Variants in GNG7 observed in about 807,000 individuals in gnomAD.
GNG7 encodes the protein G protein subunit gamma 7.
In GNG7, 1 loss-of-function variant was observed where a neutral mutation model predicts 4.0. The observed-to-expected ratio is 0.25, with a 90% CI of 0.09 to 1.18. GNG7 has a LOEUF of 1.18. Among genes scored for constraint, GNG7 ranks in the 50% most tolerant of loss-of-function variants. The probability of loss-of-function intolerance (pLI) is 0.50; values close to 1 mark genes in which losing one functional copy is unlikely to be tolerated. For synonymous variants in GNG7, 34 were observed against 36.9 expected (o/e 0.92, Z 0.29); for missense variants, 86 against 91.9 (o/e 0.94, Z 0.26).
chr19:2,660,444 T>C (rs1203667328), intron 1 of GNG7, among the ~76,000 whole-genome samples: 1 of 152,174 alleles, frequency 6.6e-6, no homozygotes, highest in Non-Finnish European at 1.5e-5. Context: ...GTTTACCATG[T>C]TCCTGCCCTC....
At chr19:2,622,898 G>T (rs1341349702) in intron 2 of GNG7, among the ~76,000 whole-genome samples, 1 of 152,254 alleles carries the variant, frequency 6.6e-6, no homozygotes, top group Non-Finnish European at 1.5e-5. Flanking sequence ...CTTTCACCGT[G>T]TATCATTTAT....
At chr19:2,673,135 T>C (rs1390409073) in intron 1 of GNG7, among the ~76,000 whole-genome samples, 1 of 151,592 alleles carries the variant, frequency 6.6e-6, no homozygotes. Context: ...CGGGCGCCTG[T>C]AGTCCCAGCT....
chr19:2,515,163 A>G lies in GNG7; in HGVS notation c.82-16T>C, dbSNP rs962412055. The G allele has an allele frequency of 6.2e-7, 1 of 1,613,218 alleles. No individual in the cohort carries two copies. Among genetic ancestry groups the G allele is most frequent in the African/African-American group, 1.3e-5 (1 of 74,876 alleles). On this transcript the variant is annotated splice_polypyrimidine_tract_variant and intron_variant, in intron 4 of 4. Transcript: ENST00000382159. ...CTTTGGAGACCTGTGTTTGAGCACA[A>G]GGAGGAGACAGAGGAGACATAAGAA...
intron 3 of GNG7, among the ~76,000 whole-genome samples, chr19:2,521,751 T>C (rs1599370819): frequency 1.3e-5 from 2 of 151,590 alleles, no homozygotes; most frequent in East Asian, 2.0e-4. Context: ...GTAGCTGGGA[T>C]TACAGGCACG....
At chr19:2,690,165 T>C (rs1402365349) in intron 1 of GNG7, among the ~76,000 whole-genome samples, 1 of 152,014 alleles carries the variant, frequency 6.6e-6, no homozygotes, top group Non-Finnish European at 1.5e-5. Flanking sequence ...AAGGATCACT[T>C]GAGGTCAGGA....
intron 2 of GNG7, among the ~76,000 whole-genome samples, chr19:2,588,773 ACCGCAGACC>A: frequency 6.6e-6 from 1 of 151,946 alleles, no homozygotes; most frequent in Admixed American, 6.5e-5. Flanking sequence ...TGCTGATCAC[ACCGCAGACC>A]CCACCAGGTG....
chr19:2,629,244 A>T (rs1422327991), intron 2 of GNG7, among the ~76,000 whole-genome samples: 3 of 152,154 alleles, frequency 2.0e-5, no homozygotes, highest in African/African-American at 7.2e-5. Context: ...ATATTGGGAG[A>T]TGGGTTATGT....
At chr19:2,649,865 C>G (rs1245777079) in intron 1 of GNG7, among the ~76,000 whole-genome samples, 1 of 152,112 alleles carries the variant, frequency 6.6e-6, no homozygotes, top group Non-Finnish European at 1.5e-5. Context: ...GCCATCAGCC[C>G]CCGATCCCCA....
intron 1 of GNG7, among the ~76,000 whole-genome samples, chr19:2,667,205 C>T (rs1983333003): frequency 6.6e-6 from 1 of 152,086 alleles, no homozygotes; most frequent in African/African-American, 2.4e-5. Flanking sequence ...GCCTGTAATC[C>T]CGGATACTTG....
intron 1 of GNG7, among the ~76,000 whole-genome samples, chr19:2,657,192 G>C (rs1982997156): frequency 6.6e-6 from 1 of 150,384 alleles, no homozygotes; most frequent in South Asian, 2.1e-4. Context: ...AAATTAGTTG[G>C]GTCTGGTGGT....
intron 2 of GNG7, among the ~76,000 whole-genome samples, chr19:2,601,183 A>C (rs1981188920): frequency 6.6e-6 from 1 of 152,082 alleles, no homozygotes. Context: ...AAATAGAACT[A>C]AGGAAGGTTT....
intron 1 of GNG7, among the ~76,000 whole-genome samples, chr19:2,661,310 A>AAGAC (rs1240965764): frequency 7.1e-6 from 1 of 139,964 alleles, no homozygotes; most frequent in Non-Finnish European, 1.5e-5. Flanking sequence ...AAGAGAAAGA[A>AAGAC]AGAAAGAAAG....
At chr19:2,521,391 C>T (rs1978307731) in intron 3 of GNG7, among the ~76,000 whole-genome samples, 1 of 152,186 alleles carries the variant, frequency 6.6e-6, no homozygotes, top group Non-Finnish European at 1.5e-5. Context: ...TCTTGCCCTC[C>T]AGGGGACACT....
At chr19:2,679,338 A>C (rs1292621022) in intron 1 of GNG7, among the ~76,000 whole-genome samples, 1 of 152,112 alleles carries the variant, frequency 6.6e-6, no homozygotes, top group Non-Finnish European at 1.5e-5. Flanking sequence ...GGTGTGAGCC[A>C]CCACACCCAG....
At chr19:2,681,751 G>T (rs1344552498) in intron 1 of GNG7, among the ~76,000 whole-genome samples, 1 of 152,144 alleles carries the variant, frequency 6.6e-6, no homozygotes, top group African/African-American at 2.4e-5. Context: ...GGATCCCCGT[G>T]TCTCTACCTC....
chr19:2,648,877 TTTTTTTGTTTTTTG>T (rs1295389210), intron 1 of GNG7, among the ~76,000 whole-genome samples: 1 of 151,786 alleles, frequency 6.6e-6, no homozygotes, highest in Non-Finnish European at 1.5e-5. Context: ...CATGTGTTTT[TTTTTTTGTTTTTTG>T]TTTTTTGTTT....
chr19:2,676,819 C>T (rs376414347), intron 1 of GNG7, among the ~76,000 whole-genome samples: 12 of 152,050 alleles, frequency 7.9e-5, no homozygotes, highest in African/African-American at 2.9e-4. Context: ...GTGTAATTTT[C>T]AGCCGGGCGG....
Position 2,511,258 on chromosome 19 carries a change from G to A in GNG7, c.*3764C>T, listed in dbSNP as rs1009845342. 1 of 152,232 alleles carries A rather than the reference G, an allele frequency of 6.6e-6. No individual in the cohort carries two copies. The highest frequency in any genetic ancestry group is 1.5e-5 in the Non-Finnish European group (1 of 68,052). 9.4% of individuals were successfully genotyped at this position (152,232 alleles called of 1,614,324 possible). On this transcript the variant is annotated 3_prime_UTR_variant, in exon 5 of 5. Coordinates refer to ENST00000382159, the MANE Select transcript of GNG7 (RefSeq NM_052847.3). This position sits in a 1 kb window ranked among gnomAD's most constrained non-coding sequence, Gnocchi z 6.3. ...GGCTTTTTATTGTGTATGAATTCAC[G>A]TGGTATCGACAACTCCACACAATAT... is the stretch of plus-strand genomic sequence containing the variant.
chr19:2,560,099 A>G (rs1979695070), intron 2 of GNG7, among the ~76,000 whole-genome samples: 1 of 151,740 alleles, frequency 6.6e-6, no homozygotes, highest in Non-Finnish European at 1.5e-5. Flanking sequence ...CAGGGAACGC[A>G]CGTCCATGAC....
Sources: gnomAD v4.1 joint callset for allele counts (sites outside exome capture counted in the v4.1 genomes callset) on GRCh38, gnomAD v4.1.1 for gene constraint, Gnocchi (gnomAD v3.1) non-coding constraint, MANE v1.5 for transcripts, NCBI Gene and HGNC (gene_info 2026-07-23, HGNC 2026-07-21) for gene names.